Variants in NUP133 observed in about 807,000 individuals in gnomAD.
NUP133 encodes the protein nucleoporin 133, also known as nuclear pore complex protein Nup133.
In NUP133, 66 loss-of-function variants were observed where a neutral mutation model predicts 146.2. The observed-to-expected ratio is 0.45, with a 90% CI of 0.37 to 0.55. The LOEUF is 0.55. NUP133 is among the 20% of genes least tolerant of loss of function. The pLI is 0.00. For synonymous variants in NUP133, 521 were observed against 498.8 expected, an observed-to-expected ratio of 1.04 and a Z score of -0.59; for missense variants, 1,277 against 1,374.8, an observed-to-expected ratio of 0.93 and a Z score of 1.12.
At chr1:229,504,751 C>G (rs1325314487) in intron 2 of NUP133, among the ~76,000 whole-genome samples, 2 of 152,188 alleles carry the variant, frequency 1.3e-5, no homozygotes, top group African/African-American at 4.8e-5. Context: ...CCCCTTTTAT[C>G]TGCAGTTTCA....
chr1:229,502,860 G>A lies in NUP133; in HGVS notation c.302-758C>T, dbSNP rs549695450. ...ACTTCCCAGCTACTAGGGTGACTGA[G>A]GCACAGGAGAACCACTTGAGCCCAG... On this transcript the variant is annotated intron_variant, in intron 2 of 25. Coordinates refer to ENST00000261396, the MANE Select transcript of NUP133 (RefSeq NM_018230.3). Among the ~76,000 whole-genome samples the A allele has an allele frequency of 2.5e-4, 38 of 151,682 alleles. No homozygotes were observed. The Middle Eastern group carries it at 0.01, about 41-fold the overall frequency.
intron 21 of NUP133, among the ~76,000 whole-genome samples, chr1:229,453,295 TA>T (rs1264349256): frequency 6.6e-6 from 1 of 152,198 alleles, no homozygotes; most frequent in African/African-American, 2.4e-5. Flanking sequence ...TAGACTAATT[TA>T]TATTGAAATG....
intron 2 of NUP133, among the ~76,000 whole-genome samples, chr1:229,503,709 CT>C (rs1661863151): frequency 6.6e-6 from 1 of 152,192 alleles, no homozygotes; most frequent in Non-Finnish European, 1.5e-5. Context: ...CAGTAATTTT[CT>C]TTTTCTTGAA....
At chr1:229,452,383 A>C (rs1310739620) in intron 22 of NUP133, 142 bp downstream of exon 22, 1 of 539,534 alleles carries the variant, frequency 1.9e-6, no homozygotes, top group Non-Finnish European at 3.1e-6. Context: ...AAACAGCTTC[A>C]AACAACGTTT....
At chr1:229,474,766 A>G (rs1661036049) in intron 14 of NUP133, among the ~76,000 whole-genome samples, 1 of 152,158 alleles carries the variant, frequency 6.6e-6, no homozygotes, top group East Asian at 1.9e-4. Context: ...ATAAAAAATT[A>G]GCCGGGTGTG....
chr1:229,483,113 T>C (rs1245225289), intron 12 of NUP133, among the ~76,000 whole-genome samples: 1 of 152,166 alleles, frequency 6.6e-6, no homozygotes, highest in Non-Finnish European at 1.5e-5. Flanking sequence ...CTTTTGCTTT[T>C]TTTGAGACAG....
chr1:229,492,831 A>T (rs1244586415), intron 8 of NUP133, among the ~76,000 whole-genome samples: 2 of 152,072 alleles, frequency 1.3e-5, no homozygotes, highest in African/African-American at 4.8e-5. Flanking sequence ...CTCAGGTGAC[A>T]GGTGCACTAA....
chr1:229,506,253 G>GA (rs1426957767), intron 1 of NUP133, 95 bp from the exon 2 acceptor site: 8 of 583,180 alleles, frequency 1.4e-5, no homozygotes, highest in African/African-American at 9.4e-5. Flanking sequence ...GGAGTTCTTT[G>GA]AAAAAAATTA....
intron 8 of NUP133, among the ~76,000 whole-genome samples, chr1:229,491,173 A>G (rs1182959489): frequency 6.6e-6 from 1 of 152,028 alleles, no homozygotes; most frequent in East Asian, 1.9e-4. Context: ...TTATTTATGT[A>G]TTTTCTAGGG....
chr1:229,445,903 T>C (rs1660290077), intron 24 of NUP133, among the ~76,000 whole-genome samples: 1 of 152,198 alleles, frequency 6.6e-6, no homozygotes, highest in Non-Finnish European at 1.5e-5. Flanking sequence ...TTAGTAAAAA[T>C]AGCTCTTCTA....
intron 15 of NUP133, among the ~76,000 whole-genome samples, chr1:229,466,993 G>A (rs1055653410): frequency 2.1e-5 from 2 of 93,218 alleles, no homozygotes; most frequent in Admixed American, 1.1e-4. Context: ...TTGTTACTGA[G>A]ATTTTTAAGC....
chr1:229,460,627 C>T lies in NUP133; in HGVS notation c.2828G>A (p.Ser943Asn), dbSNP rs1479709542. The change falls in exon 20 of 26, where the codon AGC becomes AAC. Residue 943 changes from serine (S) to asparagine (N), a missense_variant. By Grantham distance (46) the Ser-to-Asn change is conservative (BLOSUM62 1). Transcript: ENST00000261396. ...CCTTCTTACCTTTTCTAATTCTTGG[C>T]TATTAATTTCATGTAACCAGCTGAG... Reference protein sequence around the residue: ...EHLSWLHEINSQELEKAHATL... With the variant: ...EHLSWLHEINNQELEKAHATL... 2 of 1,613,108 alleles carry T rather than the reference C, an allele frequency of 1.2e-6. No homozygotes were observed. Among genetic ancestry groups the T allele is most frequent in the Non-Finnish European group, 8.5e-7 (1 of 1,179,724 alleles).
At chr1:229,450,753 T>A in intron 22 of NUP133, 148 bp from the exon 23 acceptor site, 2 of 418,056 alleles carry the variant, frequency 4.8e-6, no homozygotes, top group South Asian at 7.0e-5. Context: ...TGAGACAAAG[T>A]CTTGCTCTGT....
chr1:229,495,790 A>C lies in NUP133; in HGVS notation c.975+102T>G, dbSNP rs533691968. On this transcript the variant is annotated intron_variant, in intron 7 of 25. Transcript: ENST00000261396. ...CTGATAACCATACACTATGTTGTTT[A>C]TTACACTGAAATGTGTTGAAATAAA... 33 of 1,079,300 alleles carry C rather than the reference A, an allele frequency of 3.1e-5. No homozygotes were observed. The African/African-American group carries it at 5.1e-4, about 17-fold the overall frequency. The allele number at this position is 1,079,300 out of a possible 1,614,324, so 66.9% of individuals were successfully genotyped here. A position where few individuals can be genotyped will look rare whatever the true frequency, so the allele number is the denominator to read the frequency against.
In NUP133 at chr1:229,440,550, TA is replaced by T. The variant is rs1322361953; in HGVS notation, c.*1353del. 6.6e-6 allele frequency: 1 copy of T among 152,282 alleles called. No individual in the cohort carries two copies. Among genetic ancestry groups the T allele is most frequent in the Non-Finnish European group, 1.5e-5 (1 of 68,088 alleles). 9.4% of individuals were successfully genotyped at this position (152,282 alleles called of 1,614,324 possible). On this transcript the variant is annotated 3_prime_UTR_variant, in exon 26 of 26. Coordinates refer to ENST00000261396, the MANE Select transcript of NUP133 (RefSeq NM_018230.3). ...GGAGCCTGTGTGTCTCGCAGCACAT[TA>T]TCACCCGACAGGGTCCTACAGGTGA...
Position 229,464,623 on chromosome 1 carries a change from C to T in NUP133, c.2551+1G>A, listed in dbSNP as rs779124384. ...ACTCTTGCCAAGTATCATGAACTTA[C>T]GAAGAGGAGATAAGAGATCTGATCT... On this transcript the variant is annotated splice_donor_variant, in intron 18 of 25. Transcript: ENST00000261396. LOFTEE classifies it high-confidence loss of function. 7 of 1,613,416 alleles carry T rather than the reference C, an allele frequency of 4.3e-6. No individual in the cohort carries two copies. The highest frequency in any genetic ancestry group is 3.3e-5 in the Admixed American group (2 of 59,978).
At chr1:229,494,521 G>A (rs898172957) in intron 8 of NUP133, among the ~76,000 whole-genome samples, 5 of 152,102 alleles carry the variant, frequency 3.3e-5, no homozygotes, top group African/African-American at 1.2e-4. Flanking sequence ...TCATCTGAAG[G>A]ATTACTAGTT....
chr1:229,492,702 G>A (rs1398879119), intron 8 of NUP133, among the ~76,000 whole-genome samples: 1 of 151,958 alleles, frequency 6.6e-6, no homozygotes, highest in Admixed American at 6.6e-5. Flanking sequence ...CCTATAAGTG[G>A]GAGCTAAGCT....
rs1042504577 is a variant in NUP133 at position 229,498,325 on chromosome 1, A to G, written c.649-19T>C. On this transcript the variant is annotated intron_variant, in intron 5 of 25. Transcript: ENST00000261396. ...TTCCTCCCTGTGAAAAAACATTATG[A>G]GGTTAGTTCAGTTTAGCATCGAATG... 8.4e-6 allele frequency: 13 copies of G among 1,545,320 alleles called. No individual in the cohort carries two copies. The African/African-American group carries it at 1.5e-4, about 18-fold the overall frequency.
Sources: allele counts gnomAD v4.1 joint callset (sites outside exome capture counted in the v4.1 genomes callset), GRCh38; gene constraint gnomAD v4.1.1; transcripts MANE v1.5; gene names NCBI Gene and HGNC (gene_info 2026-07-23, HGNC 2026-07-21).